ODR4: variants seen among roughly 807,000 people sequenced by gnomAD.
The protein encoded by ODR4 is protein odr-4 homolog.
A neutral mutation model predicts 60.2 loss-of-function variants in ODR4; 47 were observed. The ratio of observed to expected loss-of-function variants is 0.78; its 90% confidence interval spans 0.62 to 1.00. The LOEUF (loss-of-function observed/expected upper bound fraction) is 1.00, where lower values mean the gene tolerates loss of function less well. Among genes scored for constraint, ODR4 ranks in the 50% least tolerant of loss-of-function variants. ODR4 has a pLI of 0.00. For synonymous variants in ODR4, 178 were observed against 175.5 expected (o/e 1.01, Z -0.11); for missense variants, 488 against 530.8 (o/e 0.92, Z 0.79).
At chr1:186,430,729 T>TA in the ODR4 span, among the ~76,000 whole-genome samples, 3 of 152,084 alleles carry the variant, frequency 2.0e-5, no homozygotes, top group Non-Finnish European at 4.4e-5. Context: ...AGAAAAATAA[T>TA]AAAACCTTGT....
chr1:186,377,256 A>C (rs571898976), intron 1 of ODR4, among the ~76,000 whole-genome samples: 9 of 152,374 alleles, frequency 5.9e-5, no homozygotes, highest in South Asian at 2.1e-4. Context: ...ATAATTTTTC[A>C]ATCTGTGGTT....
In ODR4 at chr1:186,378,039, C is replaced by T. The variant is rs148334693; in HGVS notation, c.-19-1728C>T. Among the ~76,000 whole-genome samples the T allele has an allele frequency of 8.3e-3, 1,017 of 123,014 alleles. 16 individuals carry two copies. The highest frequency in any genetic ancestry group is 0.029 in the African/African-American group (979 of 33,440). The allele number at this position is 123,014 out of a possible 152,430, so 80.7% of individuals were successfully genotyped here. A position where few individuals can be genotyped will look rare whatever the true frequency, so the allele number is the denominator to read the frequency against. ...CAGCCTGGGCAACAGAGCAAGACTC[C>T]ATCTCAAAAAACAAAAAAAAAAAAG... On this transcript the variant is annotated intron_variant, in intron 1 of 13. Transcript: ENST00000287859.
At position 186,397,694 on chromosome 1, in the gene ODR4, C is replaced by CT. The variant is rs562147924; in HGVS notation, c.781-616dup. Among the ~76,000 whole-genome samples, 120 of 152,206 alleles carry CT rather than the reference C, an allele frequency of 7.9e-4. 1 individual carries two copies. Among genetic ancestry groups the CT allele is most frequent in the African/African-American group, 2.6e-3 (110 of 41,538 alleles). On this transcript the variant is annotated intron_variant, in intron 9 of 13. Transcript: ENST00000287859. Reference sequence around the variant, plus strand: ...GATTAGGGATGCTCAACCTGTAGTACTTTAACTATTTTGATACTGTCCTTG... The same window carrying CT: ...GATTAGGGATGCTCAACCTGTAGTACTTTTAACTATTTTGATACTGTCCTTG...
chr1:186,391,265 G>A (rs761481782), intron 7 of ODR4, among the ~76,000 whole-genome samples: 28 of 150,550 alleles, frequency 1.9e-4, no homozygotes, highest in Middle Eastern at 3.8e-3. Context: ...CCTTTTTCCA[G>A]TTCTTTTTTG....
the ODR4 span, among the ~76,000 whole-genome samples, chr1:186,432,180 A>G: frequency 6.6e-6 from 1 of 152,212 alleles, no homozygotes; most frequent in African/African-American, 2.4e-5. Flanking sequence ...AACATAACCT[A>G]TAGCTACAAA....
At chr1:186,404,599 A>T (rs1339734347) in intron 11 of ODR4, among the ~76,000 whole-genome samples, 1 of 152,226 alleles carries the variant, frequency 6.6e-6, no homozygotes, top group African/African-American at 2.4e-5. Context: ...TTCGTGCTAC[A>T]GTACAAATTG....
chr1:186,382,329 G>C (rs138803635), intron 2 of ODR4, among the ~76,000 whole-genome samples: 8 of 151,760 alleles, frequency 5.3e-5, no homozygotes, highest in East Asian at 1.9e-4. Flanking sequence ...AGACTACTTG[G>C]GGGGAGGATT....
chr1:186,417,724 T>A, intron 13 of ODR4, 70 bp downstream of exon 13: 1 of 821,106 alleles, frequency 1.2e-6, no homozygotes, highest in South Asian at 1.5e-5. Flanking sequence ...TACTTTAAGA[T>A]CTTTGTATTT....
Position 186,391,685 on chromosome 1 carries a change from T to C in ODR4, c.616-11T>C, listed in dbSNP as rs2774523. ...GTATCTGAAAGATTTCCATGTTGTG[T>C]TTCTGTTAAGAATGGACTTACACGC... is the stretch of plus-strand genomic sequence containing the variant. On this transcript the variant is annotated splice_polypyrimidine_tract_variant and intron_variant, in intron 7 of 13. Coordinates refer to ENST00000287859, the MANE Select transcript of ODR4 (RefSeq NM_017847.6). 1.3e-6 allele frequency: 2 copies of C among 1,543,808 alleles called. No homozygotes were observed. The highest frequency in any genetic ancestry group is 1.8e-6 in the Non-Finnish European group (2 of 1,124,382).
chr1:186,383,291 G>A (rs1660112327), intron 3 of ODR4, 135 bp downstream of exon 3: 3 of 956,912 alleles, frequency 3.1e-6, no homozygotes, highest in South Asian at 3.7e-5. Context: ...TTTAGTCTGG[G>A]TGTCTAGGAG....
chr1:186,379,641 G>A, intron 1 of ODR4, 126 bp from the exon 2 acceptor site: 1 of 536,680 alleles, frequency 1.9e-6, no homozygotes, highest in Non-Finnish European at 3.3e-6. Context: ...TATGTAATAA[G>A]TATTTGCTGC....
chr1:186,383,498 A>G (rs533561085), intron 3 of ODR4, among the ~76,000 whole-genome samples: 113 of 152,232 alleles, frequency 7.4e-4, no homozygotes, highest in African/African-American at 2.6e-3. Flanking sequence ...GGACAGGTCA[A>G]TAGGTGCAGC....
intron 12 of ODR4, among the ~76,000 whole-genome samples, chr1:186,415,444 T>C (rs1179966613): frequency 6.6e-6 from 1 of 152,204 alleles, no homozygotes; most frequent in African/African-American, 2.4e-5. Flanking sequence ...CTATCTCTCT[T>C]GAGTTCTCTC....
At chr1:186,393,129 A>C (rs1660532750) in intron 8 of ODR4, among the ~76,000 whole-genome samples, 1 of 152,216 alleles carries the variant, frequency 6.6e-6, no homozygotes, top group Admixed American at 6.5e-5. Context: ...GGAAAAACAC[A>C]CACTAAAAGG....
At chr1:186,425,878 T>C (rs1661872731), downstream of ODR4, among the ~76,000 whole-genome samples, 1 of 152,242 alleles carries the variant, frequency 6.6e-6, no homozygotes, top group South Asian at 2.1e-4. Flanking sequence ...CTACACACTT[T>C]AAATATTCTA....
intron 12 of ODR4, among the ~76,000 whole-genome samples, chr1:186,410,541 A>G (rs1661338902): frequency 6.6e-6 from 1 of 152,214 alleles, no homozygotes; most frequent in African/African-American, 2.4e-5. Flanking sequence ...TATATGCGTG[A>G]TTAGTTATGC....
intron 5 of ODR4, among the ~76,000 whole-genome samples, chr1:186,388,902 T>C (rs916423972): frequency 9.9e-5 from 15 of 152,186 alleles, no homozygotes; most frequent in Non-Finnish European, 2.2e-4. Context: ...AGTTTTCACC[T>C]CCAGTTTCTA....
intron 12 of ODR4, among the ~76,000 whole-genome samples, chr1:186,411,211 G>A (rs1235453192): frequency 2.0e-5 from 3 of 152,076 alleles, no homozygotes; most frequent in Non-Finnish European, 4.4e-5. Flanking sequence ...TGCTAAGCTG[G>A]TGTACTGCAA....
chr1:186,382,723 C>T (rs1660088392), intron 2 of ODR4, among the ~76,000 whole-genome samples: 1 of 152,182 alleles, frequency 6.6e-6, no homozygotes, highest in Admixed American at 6.5e-5. Context: ...TTCATTCACT[C>T]ATCCAGTAAA....
Sources: gnomAD v4.1 joint callset for allele counts (sites outside exome capture counted in the v4.1 genomes callset) on GRCh38, gnomAD v4.1.1 for gene constraint, MANE v1.5 for transcripts, NCBI Gene and HGNC (gene_info 2026-07-23, HGNC 2026-07-21) for gene names.